The following CNTLN variants were observed in gnomAD, a reference collection of about 807,000 sequenced individuals.
CNTLN encodes centlein.
CNTLN carries 212 observed loss-of-function variants against 180.0 expected under a neutral mutation model. That is an observed-to-expected ratio of 1.18 (90% confidence interval 1.05 to 1.32). The LOEUF (loss-of-function observed/expected upper bound fraction) is 1.32. Among genes scored for constraint, CNTLN ranks in the 40% most tolerant of loss-of-function variants. The pLI is 0.00. For missense variants in CNTLN, 2,095 were observed against 1,610.9 expected (o/e 1.30, Z -5.14); for synonymous variants, 722 against 563.1 (o/e 1.28, Z -3.99).
intron 15 of CNTLN, among the ~76,000 whole-genome samples, chr9:17,398,753 A>G (rs943519501): frequency 6.6e-6 from 1 of 152,208 alleles, no homozygotes; most frequent in Admixed American, 6.5e-5. Context: ...GAGAAATAAG[A>G]ATTTATTGAG....
intron 14 of CNTLN, among the ~76,000 whole-genome samples, chr9:17,389,996 A>C (rs1019284448): frequency 6.6e-6 from 1 of 152,152 alleles, no homozygotes; most frequent in African/African-American, 2.4e-5. Flanking sequence ...AGGGAAGTCC[A>C]TGTGAAGACA....
Position 17,227,836 on chromosome 9 carries a change from G to T in CNTLN, c.534+1549G>T, listed in dbSNP as rs569565621. Among the ~76,000 whole-genome samples the T allele has an allele frequency of 3.6e-4, 54 of 152,080 alleles. No individual in the cohort carries two copies. The South Asian group carries it at 0.011, about 31-fold the overall frequency. On this transcript the variant is annotated intron_variant, in intron 3 of 25. Coordinates refer to ENST00000380647, the MANE Select transcript of CNTLN (RefSeq NM_017738.4). Reference sequence around the variant, plus strand: ...TTAAGAATAACATTTTAGTAAATTTGTTCTGGAAAGAAACATTTGTATTTA... The same window carrying T: ...TTAAGAATAACATTTTAGTAAATTTTTTCTGGAAAGAAACATTTGTATTTA...
intron 2 of CNTLN, among the ~76,000 whole-genome samples, chr9:17,202,306 T>A (rs965965060): frequency 3.3e-4 from 50 of 152,326 alleles, no homozygotes; most frequent in African/African-American, 1.1e-3. Flanking sequence ...AGAATGTATA[T>A]TCTGTTGATT....
At chr9:17,331,311 A>G (rs961659401) in intron 9 of CNTLN, among the ~76,000 whole-genome samples, 3 of 151,502 alleles carry the variant, frequency 2.0e-5, no homozygotes, top group African/African-American at 7.2e-5. Flanking sequence ...AAGGGATAGC[A>G]TTAAGAGAAA....
chr9:17,152,832 A>G (rs896147720), intron 2 of CNTLN, among the ~76,000 whole-genome samples: 3 of 152,156 alleles, frequency 2.0e-5, no homozygotes, highest in Non-Finnish European at 4.4e-5. Context: ...TGTTTTATGA[A>G]TCTGGGTGTT....
chr9:17,247,159 C>T (rs181439847), intron 5 of CNTLN, among the ~76,000 whole-genome samples: 3 of 152,206 alleles, frequency 2.0e-5, no homozygotes, highest in African/African-American at 7.2e-5. Context: ...GTCACATGCA[C>T]CTCACGTCCA....
intron 23 of CNTLN, among the ~76,000 whole-genome samples, chr9:17,470,977 A>C (rs1302735737): frequency 1.3e-5 from 2 of 152,058 alleles, no homozygotes; most frequent in Non-Finnish European, 2.9e-5. Flanking sequence ...CTGTTAATTA[A>C]GATTTATAAA....
At chr9:17,315,801 G>T (rs921703463) in intron 8 of CNTLN, among the ~76,000 whole-genome samples, 8 of 151,716 alleles carry the variant, frequency 5.3e-5, no homozygotes. Context: ...TACTTTTGTG[G>T]GTAGAATATT....
chr9:17,347,488 G>T (rs1208392891), intron 12 of CNTLN, among the ~76,000 whole-genome samples: 1 of 152,074 alleles, frequency 6.6e-6, no homozygotes, highest in Admixed American at 6.6e-5. Flanking sequence ...GGACAACATG[G>T]TGAAACCCTG....
At chr9:17,249,628 C>T (rs1826019529) in intron 5 of CNTLN, among the ~76,000 whole-genome samples, 1 of 152,010 alleles carries the variant, frequency 6.6e-6, no homozygotes, top group Admixed American at 6.6e-5. Context: ...GGATTACAGG[C>T]ACGAGCTGCT....
chr9:17,240,246 C>T (rs2132186359), intron 5 of CNTLN, among the ~76,000 whole-genome samples: 1 of 152,124 alleles, frequency 6.6e-6, no homozygotes, highest in South Asian at 2.1e-4. Context: ...TAAATTTTCT[C>T]TTCAGATCAT....
chr9:17,312,364 T>TATATATATA (rs369729227), intron 8 of CNTLN, among the ~76,000 whole-genome samples: 63 of 20,162 alleles, frequency 3.1e-3, no homozygotes, highest in Admixed American at 3.8e-3. Context: ...TATATATATA[T>TATATATATA]TATATATATA....
chr9:17,149,653 G>C (rs1818716457), intron 2 of CNTLN, among the ~76,000 whole-genome samples: 1 of 151,738 alleles, frequency 6.6e-6, no homozygotes, highest in Non-Finnish European at 1.5e-5. Flanking sequence ...AAGTAGCTGG[G>C]ACTATAGGCG....
intron 18 of CNTLN, among the ~76,000 whole-genome samples, chr9:17,421,866 C>A (rs1165119779): frequency 6.6e-6 from 1 of 152,146 alleles, no homozygotes; most frequent in African/African-American, 2.4e-5. Flanking sequence ...ATACACTCTC[C>A]ATTTTAACTT....
intron 2 of CNTLN, among the ~76,000 whole-genome samples, chr9:17,208,940 T>A (rs1274943750): frequency 6.6e-6 from 1 of 152,086 alleles, no homozygotes; most frequent in African/African-American, 2.4e-5. Context: ...TCTGTTTCAA[T>A]TTCATTAATT....
At chr9:17,148,796 A>G (rs1818632816) in intron 2 of CNTLN, among the ~76,000 whole-genome samples, 1 of 152,164 alleles carries the variant, frequency 6.6e-6, no homozygotes, top group Non-Finnish European at 1.5e-5. Context: ...AAATGACTAC[A>G]ATAGTGCCAC....
intron 12 of CNTLN, among the ~76,000 whole-genome samples, chr9:17,345,491 A>G (rs1043523421): frequency 4.9e-5 from 7 of 141,774 alleles, no homozygotes; most frequent in Admixed American, 1.4e-4. Flanking sequence ...TTAGAATTTC[A>G]TTTTATTTTT....
At chr9:17,462,316 T>G (rs1339160419) in intron 19 of CNTLN, among the ~76,000 whole-genome samples, 2 of 151,714 alleles carry the variant, frequency 1.3e-5, no homozygotes, top group Non-Finnish European at 3.0e-5. Context: ...CTTGGTACAC[T>G]TCCACATGAT....
At chr9:17,515,396 C>A in the CNTLN span, among the ~76,000 whole-genome samples, 13 of 151,916 alleles carry the variant, frequency 8.6e-5, no homozygotes, top group African/African-American at 3.1e-4. Context: ...ATTCCTTGAC[C>A]TTAAGTACAA....
Sources: allele counts gnomAD v4.1 joint callset (sites outside exome capture counted in the v4.1 genomes callset), GRCh38; gene constraint gnomAD v4.1.1; transcripts MANE v1.5; gene names NCBI Gene and HGNC (gene_info 2026-07-23, HGNC 2026-07-21).